Variants in SPAG16 observed in about 807,000 individuals in gnomAD.
SPAG16 encodes the protein sperm associated antigen 16, also known as sperm-associated antigen 16 protein.
SPAG16 carries 86 observed loss-of-function variants against 80.4 expected under a neutral mutation model. That is an observed-to-expected ratio of 1.07 (90% CI 0.90 to 1.28). The LOEUF is 1.28. SPAG16 is among the 50% of genes most tolerant of loss of function. The pLI, the probability that SPAG16 is intolerant of heterozygous loss-of-function variation, is 0.00. For missense variants in SPAG16, 870 were observed against 765.3 expected, an observed-to-expected ratio of 1.14 and a Z score of -1.61; for synonymous variants, 294 against 265.9, an observed-to-expected ratio of 1.11 and a Z score of -1.03.
intron 10 of SPAG16, among the ~76,000 whole-genome samples, chr2:213,818,995 T>C (rs914306270): frequency 4.6e-5 from 7 of 151,832 alleles, no homozygotes; most frequent in African/African-American, 1.7e-4. Flanking sequence ...CATAGCAGTG[T>C]GAAACCTGAC....
chr2:213,850,819 T>C (rs2074865491), intron 10 of SPAG16, among the ~76,000 whole-genome samples: 1 of 152,208 alleles, frequency 6.6e-6, no homozygotes, highest in African/African-American at 2.4e-5. Flanking sequence ...TGCTTATATG[T>C]TGACTTTCCA....
At chr2:213,612,336 T>C (rs2061464294) in intron 10 of SPAG16, among the ~76,000 whole-genome samples, 2 of 152,232 alleles carry the variant, frequency 1.3e-5, no homozygotes, top group South Asian at 4.1e-4. Flanking sequence ...TTAAGTGCCC[T>C]AGGATAAGTT....
At chr2:214,273,568 C>A (rs550905003) in intron 15 of SPAG16, among the ~76,000 whole-genome samples, 2 of 151,720 alleles carry the variant, frequency 1.3e-5, no homozygotes, top group African/African-American at 4.8e-5. Flanking sequence ...CCATTTATTT[C>A]TTTTTTTTGT....
chr2:214,211,423 C>G (rs1180071969), intron 15 of SPAG16, among the ~76,000 whole-genome samples: 1 of 152,170 alleles, frequency 6.6e-6, no homozygotes, highest in African/African-American at 2.4e-5. Context: ...GCTAACTCCT[C>G]AGGATCTTTT....
chr2:213,546,238 T>C (rs1217586380), intron 10 of SPAG16, among the ~76,000 whole-genome samples: 1 of 152,162 alleles, frequency 6.6e-6, no homozygotes, highest in East Asian at 1.9e-4. Context: ...GCTTGCTCTC[T>C]TCTGTTTTGC....
At chr2:213,995,571 TC>T (rs574263558) in intron 12 of SPAG16, among the ~76,000 whole-genome samples, 3 of 152,312 alleles carry the variant, frequency 2.0e-5, no homozygotes, top group African/African-American at 7.2e-5. Context: ...TGACTCTCTT[TC>T]TTATATGTCT....
chr2:214,200,134 A>C (rs2057966099), intron 15 of SPAG16, among the ~76,000 whole-genome samples: 2 of 152,088 alleles, frequency 1.3e-5, no homozygotes, highest in African/African-American at 4.8e-5. Context: ...GACCTCCAGT[A>C]CTATGTTAAA....
chr2:213,757,310 T>C (rs2125507116), intron 10 of SPAG16, among the ~76,000 whole-genome samples: 1 of 151,904 alleles, frequency 6.6e-6, no homozygotes, highest in South Asian at 2.1e-4. Context: ...ATACCATCCA[T>C]ATCAAAATAC....
chr2:213,490,456 G>T (rs1322383928), intron 10 of SPAG16, among the ~76,000 whole-genome samples: 1 of 151,920 alleles, frequency 6.6e-6, no homozygotes, highest in Non-Finnish European at 1.5e-5. Context: ...CTGTTAATAA[G>T]TTCTTTTTAC....
At chr2:214,196,503 A>G (rs1363620316) in intron 15 of SPAG16, among the ~76,000 whole-genome samples, 1 of 152,084 alleles carries the variant, frequency 6.6e-6, no homozygotes. Context: ...CTAAATTCAG[A>G]ATGGAAGAAT....
intron 3 of SPAG16, among the ~76,000 whole-genome samples, chr2:213,308,066 A>G (rs2063027388): frequency 6.6e-6 from 1 of 152,198 alleles, no homozygotes; most frequent in Non-Finnish European, 1.5e-5. Flanking sequence ...GCTTATTCAA[A>G]TAGTCAGCAA....
intron 10 of SPAG16, among the ~76,000 whole-genome samples, chr2:213,500,915 A>G (rs181455719): frequency 1.8e-4 from 28 of 152,348 alleles, no homozygotes; most frequent in African/African-American, 6.7e-4. Context: ...AAGAAAGTTG[A>G]AACTGTGTAG....
chr2:214,328,610 G>T (rs1696666797), intron 15 of SPAG16, among the ~76,000 whole-genome samples: 1 of 152,144 alleles, frequency 6.6e-6, no homozygotes, highest in Non-Finnish European at 1.5e-5. Flanking sequence ...GATTGAAATG[G>T]ATTTAAATCT....
In SPAG16 at chr2:213,676,141, T is replaced by G. The variant is rs1424098501; in HGVS notation, c.1070+186051T>G. On this transcript the variant is annotated intron_variant, in intron 10 of 15. Coordinates refer to ENST00000331683, the MANE Select transcript of SPAG16 (RefSeq NM_024532.5). ...GGATTCCTAGGTATTTTATTCTCTTTGAAGCAATTGTGAATGGGAGTTCAC... is the reference window on the plus strand; with the variant it reads ...GGATTCCTAGGTATTTTATTCTCTTGGAAGCAATTGTGAATGGGAGTTCAC... 3.3e-5 allele frequency among the ~76,000 whole-genome samples: 5 copies of G among 151,440 alleles called. No homozygotes were observed. In the East Asian group the frequency reaches 9.7e-4, roughly 29 times the overall value.
At chr2:214,191,727 G>GAAAAAAAAAAAAAAAAA (rs367694225) in intron 15 of SPAG16, among the ~76,000 whole-genome samples, 1 of 115,816 alleles carries the variant, frequency 8.6e-6, no homozygotes, top group Non-Finnish European at 1.8e-5. Context: ...AAAAAAAAAA[G>GAAAAAAAAAAAAAAAAA]AAAAAAAAAA....
chr2:214,121,374 T>C (rs928975533), intron 14 of SPAG16, among the ~76,000 whole-genome samples: 11 of 151,848 alleles, frequency 7.2e-5, no homozygotes, highest in African/African-American at 2.7e-4. Flanking sequence ...ACAGATTCGC[T>C]GTTCCTTAGA....
At chr2:213,658,482 G>A (rs1265303070) in intron 10 of SPAG16, among the ~76,000 whole-genome samples, 4 of 152,136 alleles carry the variant, frequency 2.6e-5, no homozygotes, top group Non-Finnish European at 5.9e-5. Flanking sequence ...TGTACCTTAA[G>A]GAGCAAGCAT....
intron 9 of SPAG16, among the ~76,000 whole-genome samples, chr2:213,469,650 C>G (rs2072960415): frequency 7.1e-6 from 1 of 140,282 alleles, no homozygotes; most frequent in African/African-American, 2.6e-5. Context: ...CATTTGTAGT[C>G]CCACCTGGGT....
chr2:214,321,054 C>A (rs1696061484), intron 15 of SPAG16, among the ~76,000 whole-genome samples: 1 of 152,140 alleles, frequency 6.6e-6, no homozygotes, highest in Non-Finnish European at 1.5e-5. Flanking sequence ...GATTGGCATA[C>A]AGTACAGTGA....
Sources: gnomAD v4.1 joint callset for allele counts (sites outside exome capture counted in the v4.1 genomes callset) on GRCh38, gnomAD v4.1.1 for gene constraint, MANE v1.5 for transcripts, NCBI Gene and HGNC (gene_info 2026-07-23, HGNC 2026-07-21) for gene names.